Variants in SGK2 observed in about 807,000 individuals in gnomAD.
SGK2 encodes the protein serine/threonine-protein kinase Sgk2.
SGK2 carries 36 observed loss-of-function variants against 47.5 expected under a neutral mutation model. The observed-to-expected ratio is 0.76, with a 90% CI of 0.58 to 1.00. SGK2 has a LOEUF of 1.00. Among genes scored for constraint, SGK2 ranks in the 50% least tolerant of loss-of-function variants. The pLI is 0.00. For synonymous variants in SGK2, 157 were observed against 181.9 expected, an observed-to-expected ratio of 0.86 and a Z score of 1.10; for missense variants, 404 against 467.4, an observed-to-expected ratio of 0.86 and a Z score of 1.25.
intron 9 of SGK2, among the ~76,000 whole-genome samples, chr20:43,574,569 G>A (rs1260242234): frequency 6.6e-6 from 1 of 152,224 alleles, no homozygotes; most frequent in Admixed American, 6.5e-5. Flanking sequence ...AAATAAAGTT[G>A]CCGGATAATA....
chr20:43,584,846 TGACA>T lies in SGK2; in HGVS notation c.940_943del. The T allele has an allele frequency of 1.2e-6, 2 of 1,612,226 alleles. No individual in the cohort carries two copies. Among genetic ancestry groups the T allele is most frequent in the Non-Finnish European group, 1.7e-6 (2 of 1,178,918 alleles). On this transcript the variant is annotated splice_acceptor_variant and splice_polypyrimidine_tract_variant and intron_variant, in intron 12 of 12. Coordinates refer to ENST00000373100, the MANE Select transcript of SGK2 (RefSeq NM_170693.3). LOFTEE classifies it high-confidence loss of function. Reference sequence around the variant, plus strand: ...TTTTCTTCTCATCATTGGCTTTTATTGACAGACAGGACCTGCTGACTTGAAGCAT... The same window carrying T: ...TTTTCTTCTCATCATTGGCTTTTATTGACAGGACCTGCTGACTTGAAGCAT...
At position 43,564,454 on chromosome 20, in the gene SGK2, A is replaced by G. The variant is rs960145993; in HGVS notation, c.-23-2019A>G. ...CAGATGGTCTACACAGGGTTCGTAT[A>G]CACAGGCCCCCTAGCCGCACGCATG... is the stretch of plus-strand genomic sequence containing the variant. On this transcript the variant is annotated intron_variant, in intron 1 of 12. Transcript: ENST00000373100. Among the ~76,000 whole-genome samples, 3 of 152,206 alleles carry G rather than the reference A, an allele frequency of 2.0e-5. No individual in the cohort carries two copies. In the South Asian group the frequency reaches 6.2e-4, roughly 31 times the overall value.
intron 1 of SGK2, among the ~76,000 whole-genome samples, chr20:43,560,023 G>T (rs1979290513): frequency 6.6e-6 from 1 of 152,210 alleles, no homozygotes; most frequent in East Asian, 1.9e-4. Flanking sequence ...GAACACCGTG[G>T]TGCGAGAGAG....
At chr20:43,584,667 C>A (rs1980994682) in intron 12 of SGK2, among the ~76,000 whole-genome samples, 185 bp from the exon 13 acceptor site, 1 of 152,152 alleles carries the variant, frequency 6.6e-6, no homozygotes, top group South Asian at 2.1e-4. Flanking sequence ...GGTGTGGAGG[C>A]AGAATACCAG....
At position 43,568,007 on chromosome 20, in the gene SGK2, A is replaced by C; in HGVS notation, c.228+8A>C. ...ATCTTAAAGAAGAAAGAGGTACCAG[A>C]GCTCGGGCACAGGCATTTCTTCTTC... On this transcript the variant is annotated splice_region_variant and intron_variant, in intron 5 of 12. Coordinates refer to ENST00000373100, the MANE Select transcript of SGK2 (RefSeq NM_170693.3). The C allele has an allele frequency of 1.2e-6, 2 of 1,612,128 alleles. No homozygotes were observed. The highest frequency in any genetic ancestry group is 4.5e-5 in the East Asian group (2 of 44,868).
Position 43,569,507 on chromosome 20 carries a change from C to G in SGK2, c.351C>G (p.Asn117Lys), listed in dbSNP as rs143273559. ...TCTACTTCGTGCTCGACTATGTCAA[C>G]GGGGGAGAGGTGGGTGGGCCCACAG... ...EKLYFVLDYV[N>K]GGELFFHLQR... is the part of the protein sequence containing the mutation. The change falls in exon 6 of 13, where the codon AAC becomes AAG. Residue 117 changes from asparagine to lysine, a missense_variant. Asn to Lys is a moderately conservative substitution (Grantham distance 94, BLOSUM62 0). Transcript: ENST00000373100. 3 of 1,612,362 alleles carry G rather than the reference C, an allele frequency of 1.9e-6. No individual in the cohort carries two copies. Among genetic ancestry groups the G allele is most frequent in the Non-Finnish European group, 2.5e-6 (3 of 1,179,556 alleles).
At chr20:43,584,034 G>A (rs1381418969) in intron 12 of SGK2, among the ~76,000 whole-genome samples, 1 of 152,126 alleles carries the variant, frequency 6.6e-6, no homozygotes, top group East Asian at 1.9e-4. Context: ...GCTGGTCTCT[G>A]TGGAGCTCTC....
intron 1 of SGK2, among the ~76,000 whole-genome samples, chr20:43,560,755 T>C (rs1344430776): frequency 1.3e-5 from 2 of 152,232 alleles, no homozygotes; most frequent in African/African-American, 4.8e-5. Context: ...TGTGTAATTT[T>C]CCACTTTATA....
At chr20:43,583,214 C>A (rs1200082254) in intron 12 of SGK2, 1 of 1,289,732 alleles carries the variant, frequency 7.8e-7, no homozygotes, top group Non-Finnish European at 1.0e-6. Flanking sequence ...AGAAAAGCTT[C>A]TTTTCGTTGG....
At chr20:43,563,772 T>C (rs1391546807) in intron 1 of SGK2, among the ~76,000 whole-genome samples, 1 of 152,226 alleles carries the variant, frequency 6.6e-6, no homozygotes, top group African/African-American at 2.4e-5. Flanking sequence ...TGAAAATAAA[T>C]GTCCTTGTTC....
chr20:43,560,070 G>A (rs1979292410), intron 1 of SGK2, among the ~76,000 whole-genome samples: 1 of 152,130 alleles, frequency 6.6e-6, no homozygotes, highest in African/African-American at 2.4e-5. Flanking sequence ...CTTAGGCATG[G>A]GGGTCACAGT....
At chr20:43,575,669 A>G (rs575966900) in intron 10 of SGK2, among the ~76,000 whole-genome samples, 43 of 152,204 alleles carry the variant, frequency 2.8e-4, no homozygotes, top group South Asian at 2.3e-3. Flanking sequence ...AGGTAGAGGC[A>G]TGTGTAGATT....
chr20:43,583,303 G>A (rs887658383), intron 12 of SGK2: 1 of 1,289,312 alleles, frequency 7.8e-7, no homozygotes, highest in East Asian at 5.6e-5. Flanking sequence ...AGGCAGAGAT[G>A]AATGGACTTT....
In SGK2 at chr20:43,585,377, C is replaced by G. The variant is rs1455050706; in HGVS notation, c.*361C>G. The stretch of plus-strand genomic sequence containing the variant: ...CTTTCCCAAAAGCTCCACCCAATGA[C>G]TTCTGCTTCCATCTCACTAACCACC... On this transcript the variant is annotated 3_prime_UTR_variant, in exon 13 of 13. Transcript: ENST00000373100. 1.1e-5 allele frequency: 2 copies of G among 174,542 alleles called. No individual in the cohort carries two copies. The highest frequency in any genetic ancestry group is 1.1e-4 in the Admixed American group (2 of 18,074). The allele number at this position is 174,542 out of a possible 1,614,324, so 10.8% of individuals were successfully genotyped here. A position where few individuals can be genotyped will look rare whatever the true frequency, so the allele number is the denominator to read the frequency against.
In SGK2 at chr20:43,581,536, C is replaced by CT. The variant is rs532719572; in HGVS notation, c.939+1482dup. Among the ~76,000 whole-genome samples the CT allele has an allele frequency of 5.3e-3, 808 of 151,960 alleles. 3 individuals are homozygous for CT. Among genetic ancestry groups the CT allele is most frequent in the South Asian group, 0.011 (54 of 4,820 alleles). The stretch of plus-strand genomic sequence containing the variant: ...TCCCAATGCTAATGTTTTTTAGATT[C>CT]TTTTTTTATTTTTATTTTATTTATT... On this transcript the variant is annotated intron_variant, in intron 12 of 12. Coordinates refer to ENST00000373100, the MANE Select transcript of SGK2 (RefSeq NM_170693.3).
At chr20:43,571,963 G>A (rs1980164412) in intron 8 of SGK2, 88 bp from the exon 9 acceptor site, 2 of 869,194 alleles carry the variant, frequency 2.3e-6, no homozygotes, top group Non-Finnish European at 3.7e-6. Context: ...CTGCTGCCCT[G>A]GGGTGTGGCA....
rs186481235 is a variant in SGK2, at chr20:43,583,340, C to A, written c.940-1512C>A. 3.1e-6 allele frequency: 4 copies of A among 1,279,812 alleles called. No individual in the cohort carries two copies. The East Asian group carries it at 2.2e-4, about 72-fold the overall frequency. 79.3% of individuals were successfully genotyped at this position (1,279,812 alleles called of 1,614,324 possible). ...GAATGAGACACTCCGGAGCTGGATT[C>A]CTGGTTTTGTCACCTACCATTTGTG... On this transcript the variant is annotated intron_variant, in intron 12 of 12. Transcript: ENST00000373100.
chr20:43,575,743 C>G (rs1430517598), intron 10 of SGK2, among the ~76,000 whole-genome samples: 1 of 152,094 alleles, frequency 6.6e-6, no homozygotes, highest in African/African-American at 2.4e-5. Context: ...TAGGAAGGAA[C>G]AGGCTCTGTG....
chr20:43,580,158 C>T lies in SGK2; in HGVS notation c.939+97C>T, dbSNP rs191817430. ...TTATCTAGATGGAAAACTTGGGGGT[C>T]CAAGAAGCTCAGTCATTTGTCCTAG... is the stretch of plus-strand genomic sequence containing the variant. On this transcript the variant is annotated intron_variant, in intron 12 of 12. Coordinates refer to ENST00000373100, the MANE Select transcript of SGK2 (RefSeq NM_170693.3). 175 of 718,050 alleles carry T rather than the reference C, an allele frequency of 2.4e-4. No homozygotes were observed. In the African/African-American group the frequency reaches 2.8e-3, roughly 12 times the overall value. The allele number at this position is 718,050 out of a possible 1,614,324, so 44.5% of individuals were successfully genotyped here. A position where few individuals can be genotyped will look rare whatever the true frequency, so the allele number is the denominator to read the frequency against.
Sources: gnomAD v4.1 joint callset for allele counts (sites outside exome capture counted in the v4.1 genomes callset) on GRCh38, gnomAD v4.1.1 for gene constraint, MANE v1.5 for transcripts, NCBI Gene and HGNC (gene_info 2026-07-23, HGNC 2026-07-21) for gene names.